CSGALNACT1: variants seen among roughly 807,000 people sequenced by gnomAD.
The protein encoded by CSGALNACT1 is beta4GalNAcT-1.
CSGALNACT1 carries 52 observed loss-of-function variants against 51.0 expected under a neutral mutation model. That is an observed-to-expected ratio of 1.02 (90% confidence interval 0.82 to 1.29). The LOEUF is 1.29. Among genes scored for constraint, CSGALNACT1 ranks in the 50% most tolerant of loss-of-function variants. CSGALNACT1 has a pLI of 0.00. For missense variants in CSGALNACT1, 935 were observed against 679.2 expected (o/e 1.38, Z -4.19); for synonymous variants, 341 against 254.4 (o/e 1.34, Z -3.24).
intron 3 of CSGALNACT1, among the ~76,000 whole-genome samples, chr8:19,537,287 C>T (rs990635863): frequency 2.0e-5 from 3 of 152,158 alleles, no homozygotes; most frequent in African/African-American, 7.2e-5. Flanking sequence ...CAATTCATCC[C>T]CCTCCTAAAA....
At chr8:19,566,794 A>T (rs906469378) in intron 3 of CSGALNACT1, among the ~76,000 whole-genome samples, 15 of 152,192 alleles carry the variant, frequency 9.9e-5, no homozygotes, top group Non-Finnish European at 2.1e-4. Flanking sequence ...ATAAAAGAGG[A>T]TAACAACAGG....
chr8:19,474,731 G>T (rs2069031246), intron 4 of CSGALNACT1, among the ~76,000 whole-genome samples: 2 of 151,942 alleles, frequency 1.3e-5, no homozygotes, highest in African/African-American at 4.8e-5. Context: ...AGCCAGGTGT[G>T]GTGGCACAGG....
At chr8:19,452,100 C>G (rs2063285006) in intron 5 of CSGALNACT1, among the ~76,000 whole-genome samples, 2 of 152,196 alleles carry the variant, frequency 1.3e-5, no homozygotes, top group Non-Finnish European at 2.9e-5. Context: ...ACATAATCTT[C>G]TGCTGTCAAT....
intron 5 of CSGALNACT1, among the ~76,000 whole-genome samples, chr8:19,451,283 T>C (rs1202530812): frequency 1.3e-5 from 2 of 152,160 alleles, no homozygotes; most frequent in Admixed American, 6.5e-5. Flanking sequence ...TCCTGAAACC[T>C]AGTGTTTTTG....
At chr8:19,634,487 C>G (rs561045351) in intron 1 of CSGALNACT1, among the ~76,000 whole-genome samples, 1 of 152,120 alleles carries the variant, frequency 6.6e-6, no homozygotes, top group Non-Finnish European at 1.5e-5. Flanking sequence ...CACAATGAGA[C>G]CCTGTCTCTC....
chr8:19,603,864 C>A (rs1166099492), upstream of CSGALNACT1, among the ~76,000 whole-genome samples: 2 of 152,164 alleles, frequency 1.3e-5, no homozygotes, highest in Non-Finnish European at 2.9e-5. Flanking sequence ...GCTGGTACCT[C>A]CACATAATCA....
chr8:19,655,953 T>C (rs1195530359), intron 1 of CSGALNACT1, among the ~76,000 whole-genome samples: 1 of 152,066 alleles, frequency 6.6e-6, no homozygotes, highest in East Asian at 1.9e-4. Context: ...GGGGTTAGAA[T>C]TGGGGGATTC....
At chr8:19,598,104 G>T (rs1316502502) in intron 2 of CSGALNACT1, among the ~76,000 whole-genome samples, 1 of 152,212 alleles carries the variant, frequency 6.6e-6, no homozygotes, top group African/African-American at 2.4e-5. Context: ...AAGACATGGA[G>T]GAGAGAAGGT....
At chr8:19,438,373 C>T (rs2060743262) in intron 6 of CSGALNACT1, among the ~76,000 whole-genome samples, 1 of 152,192 alleles carries the variant, frequency 6.6e-6, no homozygotes, top group Non-Finnish European at 1.5e-5. Flanking sequence ...GGGCAGAGGA[C>T]ATGAATTTAT....
chr8:19,534,063 A>G (rs1450345262), intron 3 of CSGALNACT1, among the ~76,000 whole-genome samples: 2 of 152,206 alleles, frequency 1.3e-5, no homozygotes, highest in African/African-American at 4.8e-5. Context: ...TAAAATAAGT[A>G]TAATATTAAA....
intron 1 of CSGALNACT1, among the ~76,000 whole-genome samples, chr8:19,629,509 G>A (rs1041408817): frequency 2.6e-5 from 4 of 152,228 alleles, no homozygotes; most frequent in African/African-American, 9.6e-5. Flanking sequence ...GCACTCAGCT[G>A]CCTGGTATTG....
At chr8:19,555,996 T>A (rs1411138306) in intron 3 of CSGALNACT1, among the ~76,000 whole-genome samples, 2 of 152,160 alleles carry the variant, frequency 1.3e-5, no homozygotes, top group African/African-American at 4.8e-5. Flanking sequence ...TTCTGTGGTG[T>A]GTTTTTTTAC....
At chr8:19,565,579 C>A (rs1363843408) in intron 3 of CSGALNACT1, among the ~76,000 whole-genome samples, 4 of 152,174 alleles carry the variant, frequency 2.6e-5, no homozygotes, top group Non-Finnish European at 4.4e-5. Context: ...TTCTCTCCAG[C>A]TTCATTGGTT....
intron 1 of CSGALNACT1, among the ~76,000 whole-genome samples, chr8:19,640,881 GTTTT>G (rs143545818): frequency 6.7e-6 from 1 of 148,652 alleles, no homozygotes; most frequent in Admixed American, 6.7e-5. Context: ...AGTTTTGGTT[GTTTT>G]TTTTTTCCTT....
At chr8:19,502,684 C>G (rs2153988181) in intron 4 of CSGALNACT1, among the ~76,000 whole-genome samples, 1 of 152,178 alleles carries the variant, frequency 6.6e-6, no homozygotes, top group African/African-American at 2.4e-5. Context: ...GGTTAGGAAC[C>G]CAAAGAAGTT....
chr8:19,451,592 C>T (rs1001275140), intron 5 of CSGALNACT1, among the ~76,000 whole-genome samples: 4 of 152,186 alleles, frequency 2.6e-5, no homozygotes, highest in Admixed American at 6.5e-5. Flanking sequence ...CCAGAATATA[C>T]CCGTGCCTGG....
chr8:19,707,883 C>T (rs2062267485), intron 1 of CSGALNACT1, among the ~76,000 whole-genome samples: 1 of 152,104 alleles, frequency 6.6e-6, no homozygotes, highest in African/African-American at 2.4e-5. Flanking sequence ...TGCCTGTAGT[C>T]CCAGCTACTT....
intron 3 of CSGALNACT1, among the ~76,000 whole-genome samples, chr8:19,522,335 T>C (rs147864792): frequency 3.9e-5 from 6 of 152,292 alleles, no homozygotes; most frequent in African/African-American, 1.4e-4. Flanking sequence ...AGACTCTTCA[T>C]CTCTTGCCTC....
intron 1 of CSGALNACT1, among the ~76,000 whole-genome samples, chr8:19,654,337 T>C (rs998850479): frequency 6.6e-6 from 1 of 152,180 alleles, no homozygotes; most frequent in Non-Finnish European, 1.5e-5. Flanking sequence ...ACAGACTCAA[T>C]GTTTAACCTT....
Sources: gnomAD v4.1 joint callset for allele counts (sites outside exome capture counted in the v4.1 genomes callset) on GRCh38, gnomAD v4.1.1 for gene constraint, MANE v1.5 for transcripts, NCBI Gene and HGNC (gene_info 2026-07-23, HGNC 2026-07-21) for gene names.